RFX7: variants seen among roughly 807,000 people sequenced by gnomAD.
The protein encoded by RFX7 is regulatory factor X7, also known as DNA-binding protein RFX7.
A neutral mutation model predicts 111.8 loss-of-function variants in RFX7; 26 were observed. The ratio of observed to expected loss-of-function variants is 0.23; its 90% CI spans 0.17 to 0.32. The LOEUF is 0.32. Among genes scored for constraint, RFX7 ranks in the 10% least tolerant of loss-of-function variants. The probability of loss-of-function intolerance (pLI) is 1.00; values close to 1 mark genes in which losing one functional copy is unlikely to be tolerated. For synonymous variants in RFX7, 624 were observed against 624.4 expected (o/e 1.00, Z 0.01); for missense variants, 1,573 against 1,772.9 (o/e 0.89, Z 2.02).
intron 2 of RFX7, among the ~76,000 whole-genome samples, chr15:56,230,612 A>T (rs2713924): frequency 0.37 from 56,117 of 152,038 alleles, 10,676 homozygotes; most frequent in Non-Finnish European, 0.41. Context: ...AAATAAAAAG[A>T]TGCAAAATTG....
rs970652730 is a variant in RFX7, at chr15:56,091,095, C to A, written c.*2250G>T. On this transcript the variant is annotated 3_prime_UTR_variant, in exon 10 of 10. Transcript: ENST00000559447. Reference sequence around the variant, plus strand: ...AGTACTGTACAAGATAAGTCAATAACACTCATGCACATTTTGTGATCATGT... The same window carrying A: ...AGTACTGTACAAGATAAGTCAATAAAACTCATGCACATTTTGTGATCATGT... The A allele has an allele frequency of 1.3e-5, 2 of 152,488 alleles. No individual in the cohort carries two copies. Among genetic ancestry groups the A allele is most frequent in the Non-Finnish European group, 2.9e-5 (2 of 67,982 alleles). 9.4% of individuals were successfully genotyped at this position (152,488 alleles called of 1,614,324 possible).
At chr15:56,231,368 G>C (rs2043555673) in intron 2 of RFX7, among the ~76,000 whole-genome samples, 1 of 152,146 alleles carries the variant, frequency 6.6e-6, no homozygotes. Context: ...CACATGGCTG[G>C]GGAGGCTTTA....
chr15:56,155,574 T>A (rs2042641676), intron 3 of RFX7, among the ~76,000 whole-genome samples: 1 of 151,880 alleles, frequency 6.6e-6, no homozygotes, highest in Admixed American at 6.6e-5. Flanking sequence ...TGAGAACACA[T>A]GGACACAGGG....
intron 2 of RFX7, among the ~76,000 whole-genome samples, chr15:56,225,323 A>C (rs1596021777): frequency 6.6e-6 from 1 of 152,106 alleles, no homozygotes; most frequent in East Asian, 1.9e-4. Context: ...TTTCTTATAA[A>C]ACCGGATTTC....
intron 2 of RFX7, among the ~76,000 whole-genome samples, chr15:56,238,278 TA>T (rs1473763023): frequency 1.3e-5 from 2 of 152,170 alleles, no homozygotes; most frequent in Non-Finnish European, 2.9e-5. Flanking sequence ...AACAAGAGAT[TA>T]ATCACTTAAT....
rs1438598334 is a variant in RFX7 at position 56,087,630 on chromosome 15, A to G, written c.*5715T>C. On this transcript the variant is annotated 3_prime_UTR_variant, in exon 10 of 10. Coordinates refer to ENST00000559447, the MANE Select transcript of RFX7 (RefSeq NM_022841.7). ...CTTTTGGTCAGATGGCTGTGTGCTCAGCTAAAAATCAAGGACTTTTACAGT... is the reference window on the plus strand; with the variant it reads ...CTTTTGGTCAGATGGCTGTGTGCTCGGCTAAAAATCAAGGACTTTTACAGT... 1 of 448,688 alleles carries G rather than the reference A, an allele frequency of 2.2e-6. No individual in the cohort carries two copies. The highest frequency in any genetic ancestry group is 7.0e-5 in the East Asian group (1 of 14,344). The allele number at this position is 448,688 out of a possible 1,614,324, so 27.8% of individuals were successfully genotyped here.
intron 3 of RFX7, among the ~76,000 whole-genome samples, chr15:56,147,584 T>G (rs2042497159): frequency 6.6e-6 from 1 of 152,172 alleles, no homozygotes; most frequent in Non-Finnish European, 1.5e-5. Context: ...TCTAATTTTT[T>G]TTTTTTTGAG....
At chr15:56,191,330 C>A (rs1158646857) in intron 2 of RFX7, among the ~76,000 whole-genome samples, 11 of 151,732 alleles carry the variant, frequency 7.2e-5, no homozygotes, top group Non-Finnish European at 1.6e-4. Context: ...TCAAAGTTAT[C>A]AAAAAAGAAA....
At chr15:56,223,375 T>C (rs1410318642) in intron 2 of RFX7, among the ~76,000 whole-genome samples, 1 of 152,198 alleles carries the variant, frequency 6.6e-6, no homozygotes, top group Non-Finnish European at 1.5e-5. Context: ...CTAGTCTCTA[T>C]TTGGGCATTA....
intron 3 of RFX7, among the ~76,000 whole-genome samples, chr15:56,172,874 C>T (rs2042860772): frequency 1.3e-5 from 2 of 152,070 alleles, no homozygotes; most frequent in African/African-American, 2.4e-5. Flanking sequence ...TGCATGTGGC[C>T]GCAGTGGAGT....
chr15:56,227,969 CT>C (rs1406784127), intron 2 of RFX7, among the ~76,000 whole-genome samples: 7 of 152,094 alleles, frequency 4.6e-5, no homozygotes, highest in African/African-American at 1.7e-4. Flanking sequence ...AATAATTTTG[CT>C]GGATACAAAA....
chr15:56,212,803 C>CA lies in RFX7; in HGVS notation c.161+30321dup, dbSNP rs1287063071. ...TAAAAATACTCTCAAAACTCAACAG[C>CA]AAAAAAAGCAATCAAATTAGAATGT... On this transcript the variant is annotated intron_variant, in intron 2 of 9. Coordinates refer to ENST00000559447, the MANE Select transcript of RFX7 (RefSeq NM_022841.7). Among the ~76,000 whole-genome samples, 14 of 151,430 alleles carry CA rather than the reference C, an allele frequency of 9.2e-5. No homozygotes were observed. The South Asian group carries it at 2.9e-3, about 32-fold the overall frequency.
intron 5 of RFX7, among the ~76,000 whole-genome samples, chr15:56,140,205 C>G (rs1373866897): frequency 1.3e-5 from 2 of 152,180 alleles, no homozygotes; most frequent in African/African-American, 4.8e-5. Flanking sequence ...GCGGGCGCCC[C>G]TCCCCCAGCC....
Position 56,204,114 on chromosome 15 carries a change from G to A in RFX7, c.162-24811C>T, listed in dbSNP as rs186645326. ...TGGCTCATTGTAACTTCTACCTCCC[G>A]GGTTCAGGTGATTCTCCTGCCTCAG... On this transcript the variant is annotated intron_variant, in intron 2 of 9. Transcript: ENST00000559447. Among the ~76,000 whole-genome samples, 12 of 145,960 alleles carry A rather than the reference G, an allele frequency of 8.2e-5. No individual in the cohort carries two copies. In the South Asian group the frequency reaches 1.3e-3, roughly 16 times the overall value.
intron 5 of RFX7, among the ~76,000 whole-genome samples, chr15:56,123,237 T>C (rs1183146787): frequency 1.3e-5 from 2 of 152,134 alleles, no homozygotes; most frequent in Non-Finnish European, 2.9e-5. Context: ...TTACCACTGC[T>C]AATGGTATTA....
chr15:56,109,713 T>C (rs1400356196), intron 5 of RFX7, among the ~76,000 whole-genome samples: 2 of 149,168 alleles, frequency 1.3e-5, no homozygotes, highest in Non-Finnish European at 1.5e-5. Context: ...GTCCGGGATG[T>C]GAGGAGCGTC....
At chr15:56,138,501 A>G (rs373806043) in intron 5 of RFX7, among the ~76,000 whole-genome samples, 1 of 147,650 alleles carries the variant, frequency 6.8e-6, no homozygotes, top group East Asian at 2.2e-4. Flanking sequence ...TTTTGAGCCT[A>G]TGTGTGTCTC....
At chr15:56,179,892 TAC>T (rs1169638474) in intron 2 of RFX7, among the ~76,000 whole-genome samples, 1 of 150,494 alleles carries the variant, frequency 6.6e-6, no homozygotes, top group Non-Finnish European at 1.5e-5. Flanking sequence ...GGCAGAAAAA[TAC>T]ACTTAGAAAT....
At chr15:56,112,471 G>A (rs1387154253) in intron 5 of RFX7, among the ~76,000 whole-genome samples, 5 of 149,682 alleles carry the variant, frequency 3.3e-5, no homozygotes, top group Non-Finnish European at 5.9e-5. Context: ...ACTGAAACTG[G>A]ACCCCTTTCT....
Sources: gnomAD v4.1 joint callset for allele counts (sites outside exome capture counted in the v4.1 genomes callset) on GRCh38, gnomAD v4.1.1 for gene constraint, MANE v1.5 for transcripts, NCBI Gene and HGNC (gene_info 2026-07-23, HGNC 2026-07-21) for gene names.